The following NTN1 variants were observed in gnomAD, a reference collection of about 807,000 sequenced individuals.
NTN1 encodes the protein netrin-1.
NTN1 carries 11 observed loss-of-function variants against 54.2 expected under a neutral mutation model. The ratio of observed to expected loss-of-function variants is 0.20; its 90% confidence interval spans 0.13 to 0.34. NTN1 has a LOEUF of 0.34. NTN1 is among the 10% of genes least tolerant of loss of function. NTN1 has a pLI of 1.00. For synonymous variants in NTN1, 371 were observed against 382.0 expected (o/e 0.97, Z 0.33); for missense variants, 740 against 893.1 (o/e 0.83, Z 2.18).
intron 2 of NTN1, among the ~76,000 whole-genome samples, chr17:9,053,161 G>A (rs561498369): frequency 1.1e-4 from 17 of 152,294 alleles, no homozygotes; most frequent in Non-Finnish European, 1.9e-4. Context: ...ATTGTCTGTG[G>A]CCGCTTTCCA....
chr17:9,078,541 C>T (rs1441839879), intron 2 of NTN1, among the ~76,000 whole-genome samples: 4 of 152,296 alleles, frequency 2.6e-5, no homozygotes, highest in South Asian at 2.1e-4. Flanking sequence ...TCAGCCTTAC[C>T]ACATTTCAGG....
At chr17:9,020,582 G>A (rs2091842768), upstream of NTN1, among the ~76,000 whole-genome samples, 1 of 152,190 alleles carries the variant, frequency 6.6e-6, no homozygotes, top group African/African-American at 2.4e-5. Context: ...TCAGCTCCCG[G>A]GACCCTCAGT....
intron 5 of NTN1, among the ~76,000 whole-genome samples, chr17:9,218,937 A>G (rs1905270897): frequency 6.7e-6 from 1 of 148,678 alleles, no homozygotes; most frequent in South Asian, 2.1e-4. Context: ...AAAAATTGCG[A>G]GGAGAGTGGA....
At chr17:9,235,642 A>G (rs1905959644) in intron 6 of NTN1, among the ~76,000 whole-genome samples, 1 of 152,092 alleles carries the variant, frequency 6.6e-6, no homozygotes, top group African/African-American at 2.4e-5. Context: ...GAGTCTGGTG[A>G]GGGCTTGCTC....
At chr17:9,195,234 G>T (rs1904599183) in intron 5 of NTN1, among the ~76,000 whole-genome samples, 1 of 84,896 alleles carries the variant, frequency 1.2e-5, no homozygotes, top group Non-Finnish European at 2.4e-5. Context: ...ATCACCCCAA[G>T]GAGCACAGAG....
chr17:9,068,460 C>T (rs2092022397), intron 2 of NTN1, among the ~76,000 whole-genome samples: 1 of 151,852 alleles, frequency 6.6e-6, no homozygotes. Context: ...GCTGGGATTA[C>T]AGGTGTGAGC....
At chr17:9,131,748 T>A (rs1283829076) in intron 2 of NTN1, among the ~76,000 whole-genome samples, 1 of 151,996 alleles carries the variant, frequency 6.6e-6, no homozygotes, top group Non-Finnish European at 1.5e-5. Context: ...GCCTGGCTAA[T>A]TTTTTGTATT....
At chr17:9,075,841 C>T (rs1005673826) in intron 2 of NTN1, among the ~76,000 whole-genome samples, 3 of 152,162 alleles carry the variant, frequency 2.0e-5, no homozygotes, top group African/African-American at 7.2e-5. Context: ...AAATACCCCG[C>T]CTGGAATGGG....
chr17:9,213,631 C>T (rs570210742), intron 5 of NTN1, among the ~76,000 whole-genome samples: 5 of 152,198 alleles, frequency 3.3e-5, no homozygotes, highest in South Asian at 2.1e-4. Context: ...TCATATAAAA[C>T]TGCTTTTTTA....
Position 9,232,948 on chromosome 17 carries a change from C to T in NTN1, c.1487-6692C>T, listed in dbSNP as rs140228799. ...ACAGCGGGAGATTTATGGGGCTGTG[C>T]GGCTTTCATGGTTTCTGTGGGGTTC... On this transcript the variant is annotated intron_variant, in intron 6 of 6. Coordinates refer to ENST00000173229, the MANE Select transcript of NTN1 (RefSeq NM_004822.3). Among the ~76,000 whole-genome samples the T allele has an allele frequency of 2.6e-3, 398 of 152,188 alleles. 1 individual carries two copies. Among genetic ancestry groups the T allele is most frequent in the African/African-American group, 3.4e-3 (142 of 41,446 alleles).
the NTN1 span, among the ~76,000 whole-genome samples, chr17:9,010,335 G>C: frequency 6.6e-6 from 1 of 152,154 alleles, no homozygotes. Flanking sequence ...GGGTTGTAAC[G>C]GGTGCTGCAA....
At chr17:9,217,004 T>C (rs1243702565) in intron 5 of NTN1, among the ~76,000 whole-genome samples, 1 of 151,138 alleles carries the variant, frequency 6.6e-6, no homozygotes, top group Non-Finnish European at 1.5e-5. Flanking sequence ...ATCATGCCAT[T>C]GCACTCCAGT....
intron 2 of NTN1, among the ~76,000 whole-genome samples, chr17:9,088,774 A>T (rs2092098475): frequency 6.6e-6 from 1 of 152,198 alleles, no homozygotes; most frequent in Non-Finnish European, 1.5e-5. Flanking sequence ...GGAAGCATGC[A>T]TGGAGGACCT....
chr17:9,200,799 G>C (rs547391791), intron 5 of NTN1, among the ~76,000 whole-genome samples: 2 of 152,324 alleles, frequency 1.3e-5, no homozygotes, highest in African/African-American at 4.8e-5. Flanking sequence ...CAAGGGACTG[G>C]TGTACTGTGT....
intron 5 of NTN1, among the ~76,000 whole-genome samples, chr17:9,215,733 A>T (rs1419704558): frequency 6.6e-6 from 1 of 152,044 alleles, no homozygotes; most frequent in East Asian, 1.9e-4. Flanking sequence ...GTTGTTGTTT[A>T]ATCTGTATAT....
chr17:9,069,511 C>T (rs551840584), intron 2 of NTN1, among the ~76,000 whole-genome samples: 2 of 152,286 alleles, frequency 1.3e-5, no homozygotes, highest in African/African-American at 2.4e-5. Flanking sequence ...ACTTTCACTG[C>T]GTTAAAAACA....
chr17:9,010,378 T>G, the NTN1 span, among the ~76,000 whole-genome samples: 2 of 152,162 alleles, frequency 1.3e-5, no homozygotes, highest in Non-Finnish European at 2.9e-5. Flanking sequence ...TTACAATACC[T>G]TAATACAAAC....
chr17:9,216,972 G>A (rs1431306065), intron 5 of NTN1, among the ~76,000 whole-genome samples: 1 of 151,798 alleles, frequency 6.6e-6, no homozygotes, highest in Non-Finnish European at 1.5e-5. Context: ...AACCCAGGAA[G>A]CGAAGGTTGC....
chr17:9,209,260 A>C (rs1327458728), intron 5 of NTN1, among the ~76,000 whole-genome samples: 1 of 152,242 alleles, frequency 6.6e-6, no homozygotes, highest in Non-Finnish European at 1.5e-5. Flanking sequence ...CTTTCCCTGC[A>C]GCCCTGCTCA....
Sources: allele counts gnomAD v4.1 joint callset (sites outside exome capture counted in the v4.1 genomes callset), GRCh38; gene constraint gnomAD v4.1.1; transcripts MANE v1.5; gene names NCBI Gene and HGNC (gene_info 2026-07-23, HGNC 2026-07-21).